The following VLDLR variants were observed in gnomAD, a reference collection of about 807,000 sequenced individuals.
VLDLR encodes the protein very low density lipoprotein receptor.
In VLDLR, 81 loss-of-function variants were observed where a neutral mutation model predicts 112.7. The observed-to-expected ratio is 0.72, with a 90% CI of 0.60 to 0.86. The LOEUF is 0.86. VLDLR is among the 40% of genes least tolerant of loss of function. The pLI is 0.00. For missense variants in VLDLR, 1,237 were observed against 1,099.4 expected, an observed-to-expected ratio of 1.13 and a Z score of -1.77; for synonymous variants, 436 against 384.8, an observed-to-expected ratio of 1.13 and a Z score of -1.56.
chr9:2,647,839 C>T (rs1361848709), intron 12 of VLDLR: 1 of 599,278 alleles, frequency 1.7e-6, no homozygotes, highest in East Asian at 2.9e-5. Flanking sequence ...AACGTTGGGT[C>T]TTGGGTGCAC....
chr9:2,653,745 C>G, intron 18 of VLDLR, 88 bp from the exon 19 acceptor site: 2 of 1,436,386 alleles, frequency 1.4e-6, no homozygotes, highest in Non-Finnish European at 2.0e-6. Flanking sequence ...TTTGAATGAC[C>G]AACTCAAAAG....
chr9:2,644,012 T>TA (rs1450678872), intron 7 of VLDLR, 53 bp downstream of exon 7: 1 of 1,613,476 alleles, frequency 6.2e-7, no homozygotes, highest in Non-Finnish European at 8.5e-7. Context: ...CACAATCCAG[T>TA]ATAGCTAACA....
At chr9:2,646,997 G>A (rs1156447799) in intron 11 of VLDLR, among the ~76,000 whole-genome samples, 12 of 152,180 alleles carry the variant, frequency 7.9e-5, no homozygotes, top group Admixed American at 7.9e-4. Context: ...AAGTCCAGCA[G>A]AAATAAACAG....
In VLDLR at chr9:2,655,621, G is replaced by T. The variant is rs1322744701; in HGVS notation, c.*1753G>T. 1 of 152,118 alleles carries T rather than the reference G, an allele frequency of 6.6e-6. No homozygotes were observed. 9.4% of individuals were successfully genotyped at this position (152,118 alleles called of 1,614,324 possible). A position where few individuals can be genotyped will look rare whatever the true frequency, so the allele number is the denominator to read the frequency against. On this transcript the variant is annotated 3_prime_UTR_variant, in exon 19 of 19. Coordinates refer to ENST00000382100, the MANE Select transcript of VLDLR (RefSeq NM_003383.5). The stretch of plus-strand genomic sequence containing the variant: ...AGGACATTAATCCTACTAGATGAAG[G>T]GGAAGTTGGTTCTGTTGTCTTAAGG...
chr9:2,656,223 A>G lies in VLDLR; in HGVS notation c.*2355A>G, dbSNP rs1442480512. On this transcript the variant is annotated 3_prime_UTR_variant, in exon 19 of 19. Transcript: ENST00000382100. ...GTCCTCCCCAGTAAGAAGCCAAGGT[A>G]CAACTCATTGTACCTACGAGGTACA... The G allele has an allele frequency of 6.6e-6, 1 of 152,104 alleles. No individual in the cohort carries two copies. The highest frequency in any genetic ancestry group is 1.5e-5 in the Non-Finnish European group (1 of 68,010). 9.4% of individuals were successfully genotyped at this position (152,104 alleles called of 1,614,324 possible). A position where few individuals can be genotyped will look rare whatever the true frequency, so the allele number is the denominator to read the frequency against.
intron 1 of VLDLR, among the ~76,000 whole-genome samples, chr9:2,624,829 G>T (rs1001054493): frequency 6.6e-6 from 1 of 152,176 alleles, no homozygotes; most frequent in East Asian, 1.9e-4. Context: ...CGTAAAGGAA[G>T]GTCACCAGCC....
rs35669020 is a variant in VLDLR, at chr9:2,650,652, G to A, written c.2251+136G>A. The A allele has an allele frequency of 9.7e-4, 1,229 of 1,263,090 alleles. 14 individuals are homozygous for A. In the African/African-American group the frequency reaches 0.016, roughly 17 times the overall value. The allele number at this position is 1,263,090 out of a possible 1,614,324, so 78.2% of individuals were successfully genotyped here. ...GAGAAGATATCTGCTATTGTATGCC[G>A]GGTTATCATGTCATTTCTTTAGAAC... On this transcript the variant is annotated intron_variant, in intron 15 of 18. Coordinates refer to ENST00000382100, the MANE Select transcript of VLDLR (RefSeq NM_003383.5).
rs768045623 is a variant in VLDLR at position 2,643,180 on chromosome 9, G to A, written c.469G>A (p.Asp157Asn). ...AATAGGCAATATAACATGTAGTCCC[G>A]ACGAGTTCACCTGCTCCAGTGGCCG... The part of the protein sequence containing the change: ...ENCGNITCSP[D>N]EFTCSSGRCI... The change falls in exon 5 of 19, where the codon GAC (aspartate) becomes AAC (asparagine). Residue 157 changes from aspartate (D) to asparagine (N), a missense_variant. Asp to Asn is a conservative substitution (Grantham distance 23). Coordinates refer to ENST00000382100, the MANE Select transcript of VLDLR (RefSeq NM_003383.5). 35 of 1,612,552 alleles carry A rather than the reference G, an allele frequency of 2.2e-5. No homozygotes were observed. Among genetic ancestry groups the A allele is most frequent in the African/African-American group, 1.1e-4 (8 of 74,894 alleles).
chr9:2,650,557 C>T, intron 15 of VLDLR, 41 bp downstream of exon 15: 1 of 1,609,762 alleles, frequency 6.2e-7, no homozygotes, highest in Non-Finnish European at 8.5e-7. Flanking sequence ...GAACCTACAA[C>T]AAGCAATATA....
chr9:2,649,794 G>T (rs1412684628), intron 14 of VLDLR, among the ~76,000 whole-genome samples: 1 of 152,138 alleles, frequency 6.6e-6, no homozygotes, highest in Non-Finnish European at 1.5e-5. Context: ...TGAGGTACTA[G>T]GACTTCATTA....
In VLDLR at chr9:2,622,396, C is replaced by T. The variant is rs1489249217; in HGVS notation, c.82+125C>T. The T allele has an allele frequency of 5.9e-5, 47 of 792,556 alleles. 1 individual carries two copies. In the Admixed American group the frequency reaches 1.9e-3, roughly 32 times the overall value. 49.1% of individuals were successfully genotyped at this position (792,556 alleles called of 1,614,324 possible). A position where few individuals can be genotyped will look rare whatever the true frequency, so the allele number is the denominator to read the frequency against. On this transcript the variant is annotated intron_variant, in intron 1 of 18. Transcript: ENST00000382100. The stretch of plus-strand genomic sequence containing the variant: ...GGCGCCTCTCGGTTCTCCTCGCCTT[C>T]CCTCCCTCCCCTCCGTGGTGGCGCC...
Position 2,652,918 on chromosome 9 carries a change from A to G in VLDLR, c.2555A>G (p.His852Arg). ...EEDLSIDIGR[H>R]SASVGHTYPA... Reference sequence around the variant, plus strand: ...GACCTCTCCATAGACATTGGTAGACACAGTGCTTCTGTTGGACACACGTAC... The same window carrying G: ...GACCTCTCCATAGACATTGGTAGACGCAGTGCTTCTGTTGGACACACGTAC... The change falls in exon 18 of 19, where the codon CAC becomes CGC. Residue 852 changes from histidine (H) to arginine (R), a missense_variant. Physicochemically the swap from His to Arg is conservative, Grantham distance 29 (BLOSUM62 0). Coordinates refer to ENST00000382100, the MANE Select transcript of VLDLR (RefSeq NM_003383.5). 1.2e-6 allele frequency: 2 copies of G among 1,614,152 alleles called. No homozygotes were observed. The highest frequency in any genetic ancestry group is 1.7e-6 in the Non-Finnish European group (2 of 1,180,002).
chr9:2,622,899 G>C (rs1816893432), intron 1 of VLDLR, among the ~76,000 whole-genome samples: 1 of 152,138 alleles, frequency 6.6e-6, no homozygotes, highest in Admixed American at 6.5e-5. Flanking sequence ...TGCGGGGTAG[G>C]GGAGCGGCGG....
intron 1 of VLDLR, among the ~76,000 whole-genome samples, chr9:2,634,706 T>A (rs2130776712): frequency 6.6e-6 from 1 of 152,368 alleles, no homozygotes; most frequent in African/African-American, 2.4e-5. Context: ...CAAATGATCT[T>A]CCTTTCCCTC....
rs1339589752 is a variant in VLDLR, at chr9:2,633,354, G to C, written c.83-2099G>C. 3.9e-5 allele frequency among the ~76,000 whole-genome samples: 6 copies of C among 152,170 alleles called. No homozygotes were observed. The East Asian group carries it at 1.2e-3, about 29-fold the overall frequency. ...AGACCCTCTTTAAGGCAATAGTAGA[G>C]TAAATATCAGCCTTGGGATACTGTA... On this transcript the variant is annotated intron_variant, in intron 1 of 18. Coordinates refer to ENST00000382100, the MANE Select transcript of VLDLR (RefSeq NM_003383.5).
At chr9:2,637,664 G>A (rs538737410) in intron 2 of VLDLR, among the ~76,000 whole-genome samples, 3 of 152,262 alleles carry the variant, frequency 2.0e-5, no homozygotes, top group South Asian at 2.1e-4. Context: ...ATGGAGGGCC[G>A]GGTGCGGTGG....
chr9:2,637,570 C>T (rs536961335), intron 2 of VLDLR, among the ~76,000 whole-genome samples: 1 of 152,182 alleles, frequency 6.6e-6, no homozygotes, highest in Non-Finnish European at 1.5e-5. Flanking sequence ...GGCAATTTGT[C>T]TGTCTCTGTT....
intron 13 of VLDLR, 121 bp downstream of exon 13, chr9:2,648,468 C>T: frequency 1.3e-6 from 2 of 1,543,214 alleles, no homozygotes; most frequent in Non-Finnish European, 1.8e-6. Context: ...ACTGCTTTCA[C>T]TTAAAACCTG....
chr9:2,647,688 C>A, intron 12 of VLDLR, 96 bp downstream of exon 12: 2 of 1,069,916 alleles, frequency 1.9e-6, no homozygotes, highest in Non-Finnish European at 2.9e-6. Context: ...GATGACTCTA[C>A]TGCTTCCGCC....
Sources: allele counts gnomAD v4.1 joint callset (sites outside exome capture counted in the v4.1 genomes callset), GRCh38; gene constraint gnomAD v4.1.1; transcripts MANE v1.5; gene names NCBI Gene and HGNC (gene_info 2026-07-23, HGNC 2026-07-21).